The following SMIM14 variants were observed in gnomAD, a reference collection of about 807,000 sequenced individuals.
SMIM14 encodes chromosome 4 open reading frame 34.
SMIM14 carries 5 observed loss-of-function variants against 12.6 expected under a neutral mutation model. The ratio of observed to expected loss-of-function variants is 0.40; its 90% CI spans 0.21 to 0.83. The LOEUF (loss-of-function observed/expected upper bound fraction) is 0.83. Among genes scored for constraint, SMIM14 ranks in the 40% least tolerant of loss-of-function variants. SMIM14 has a pLI of 0.37. For missense variants in SMIM14, 86 were observed against 119.1 expected, an observed-to-expected ratio of 0.72 and a Z score of 1.29; for synonymous variants, 30 against 40.1, an observed-to-expected ratio of 0.75 and a Z score of 0.95.
intron 3 of SMIM14, among the ~76,000 whole-genome samples, chr4:39,559,805 C>A (rs887430866): frequency 1.3e-5 from 2 of 152,094 alleles, no homozygotes; most frequent in Non-Finnish European, 2.9e-5. Flanking sequence ...CTGTTCCAAA[C>A]CCAGTCACTT....
intron 3 of SMIM14, among the ~76,000 whole-genome samples, chr4:39,562,626 T>G (rs903974660): frequency 6.6e-6 from 1 of 152,024 alleles, no homozygotes; most frequent in African/African-American, 2.4e-5. Flanking sequence ...GTAGCTGAAA[T>G]TGTAGGCGCA....
At chr4:39,560,000 C>T (rs1370626473) in intron 3 of SMIM14, among the ~76,000 whole-genome samples, 6 of 151,232 alleles carry the variant, frequency 4.0e-5, no homozygotes, top group African/African-American at 7.3e-5. Context: ...TGTGTGCCTG[C>T]GGTCCCAGCT....
At chr4:39,598,227 C>T in intron 2 of SMIM14, among the ~76,000 whole-genome samples, 1 of 152,270 alleles carries the variant, frequency 6.6e-6, no homozygotes, top group South Asian at 2.1e-4. Flanking sequence ...AGACCTATTC[C>T]TCCTTTTTGT....
intron 2 of SMIM14, among the ~76,000 whole-genome samples, chr4:39,591,313 G>A (rs1049480176): frequency 1.3e-5 from 2 of 152,002 alleles, no homozygotes; most frequent in Non-Finnish European, 2.9e-5. Flanking sequence ...TCCGTGATAT[G>A]AGATAATACC....
intron 1 of SMIM14, among the ~76,000 whole-genome samples, chr4:39,607,457 T>C (rs1367185425): frequency 6.6e-6 from 1 of 152,166 alleles, no homozygotes; most frequent in Non-Finnish European, 1.5e-5. Context: ...CTAAGCCTAT[T>C]AGAAATTTAA....
intron 1 of SMIM14, among the ~76,000 whole-genome samples, chr4:39,626,533 C>T (rs781399738): frequency 6.6e-6 from 1 of 152,164 alleles, no homozygotes; most frequent in Non-Finnish European, 1.5e-5. Context: ...ATGTATCTAA[C>T]AAATTCTCAG....
chr4:39,619,882 T>A (rs1388444705), intron 1 of SMIM14, among the ~76,000 whole-genome samples: 16 of 124,004 alleles, frequency 1.3e-4, no homozygotes, highest in African/African-American at 3.6e-4. Flanking sequence ...ATATATTTTT[T>A]TTTTTTTAAG....
chr4:39,597,099 T>C (rs536624763), intron 2 of SMIM14, among the ~76,000 whole-genome samples: 17 of 150,726 alleles, frequency 1.1e-4, no homozygotes, highest in African/African-American at 4.1e-4. Flanking sequence ...TTTTTTTTTT[T>C]TTTTTTTAGC....
At chr4:39,621,456 G>A (rs913085816) in intron 1 of SMIM14, among the ~76,000 whole-genome samples, 3 of 152,078 alleles carry the variant, frequency 2.0e-5, no homozygotes, top group Non-Finnish European at 2.9e-5. Context: ...TACAAACTAT[G>A]ATAACTTTTC....
At chr4:39,632,190 T>C (rs1336552971) in intron 1 of SMIM14, among the ~76,000 whole-genome samples, 3 of 152,178 alleles carry the variant, frequency 2.0e-5, no homozygotes, top group Non-Finnish European at 2.9e-5. Context: ...AGATAGCTTC[T>C]ATTAAAAATC....
intron 1 of SMIM14, among the ~76,000 whole-genome samples, chr4:39,626,548 C>G (rs1389963312): frequency 6.6e-6 from 1 of 152,068 alleles, no homozygotes; most frequent in Admixed American, 6.6e-5. Context: ...TCTCAGGGGA[C>G]AAAGTAACCA....
At chr4:39,561,039 CT>C (rs57962713) in intron 3 of SMIM14, among the ~76,000 whole-genome samples, 19,038 of 150,682 alleles carry the variant, frequency 0.13, 2,775 homozygotes, top group African/African-American at 0.36. Context: ...ATTTTTTTTT[CT>C]TTTTTTTTAA....
At chr4:39,584,360 T>C (rs1713667330) in intron 2 of SMIM14, among the ~76,000 whole-genome samples, 1 of 150,616 alleles carries the variant, frequency 6.6e-6, no homozygotes, top group Non-Finnish European at 1.5e-5. Flanking sequence ...TGTGCACCTA[T>C]AATCCCAGCT....
intron 2 of SMIM14, among the ~76,000 whole-genome samples, chr4:39,591,418 G>A (rs1040883591): frequency 1.3e-5 from 2 of 151,904 alleles, no homozygotes; most frequent in African/African-American, 4.8e-5. Flanking sequence ...TCTAACACTC[G>A]CTGTAACTCG....
At chr4:39,567,525 T>C (rs1371947816) in intron 3 of SMIM14, among the ~76,000 whole-genome samples, 2 of 151,862 alleles carry the variant, frequency 1.3e-5, no homozygotes, top group African/African-American at 4.8e-5. Flanking sequence ...GATCACGAGG[T>C]CAGGAGTTCG....
At position 39,592,564 on chromosome 4, in the gene SMIM14, A is replaced by G. The variant is rs372935152; in HGVS notation, c.75+12507T>C. ...GAGAACAAATCCTACCAATTTATAA[A>G]TCAAGGTAATGAGAAGTTTTATTAA... is the stretch of plus-strand genomic sequence containing the variant. On this transcript the variant is annotated intron_variant, in intron 2 of 4. Transcript: ENST00000295958. 2.0e-5 allele frequency: 3 copies of G among 152,126 alleles called. No homozygotes were observed. In the East Asian group the frequency reaches 5.8e-4, roughly 29 times the overall value. 9.4% of individuals were successfully genotyped at this position (152,126 alleles called of 1,614,324 possible). A position where few individuals can be genotyped will look rare whatever the true frequency, so the allele number is the denominator to read the frequency against.
chr4:39,634,022 G>A (rs764602443), intron 1 of SMIM14, among the ~76,000 whole-genome samples: 2 of 152,150 alleles, frequency 1.3e-5, no homozygotes, highest in African/African-American at 2.4e-5. Context: ...TCCACCTTCC[G>A]AGTTCAAGTG....
At chr4:39,620,199 G>A (rs1715430565) in intron 1 of SMIM14, among the ~76,000 whole-genome samples, 1 of 151,214 alleles carries the variant, frequency 6.6e-6, no homozygotes, top group South Asian at 2.1e-4. Context: ...AAAAAATTCG[G>A]ATGGGCGCTG....
At chr4:39,593,103 A>G (rs1239658680) in intron 2 of SMIM14, 8 of 152,044 alleles carry the variant, frequency 5.3e-5, no homozygotes, top group Non-Finnish European at 2.9e-5. Context: ...ACAACCAAAA[A>G]AGAGAATTTT....
Sources: gnomAD v4.1 joint callset for allele counts (sites outside exome capture counted in the v4.1 genomes callset) on GRCh38, gnomAD v4.1.1 for gene constraint, MANE v1.5 for transcripts, NCBI Gene and HGNC (gene_info 2026-07-23, HGNC 2026-07-21) for gene names.